CABP1: variants seen among roughly 807,000 people sequenced by gnomAD.
CABP1 encodes calcium binding protein 1.
A neutral mutation model predicts 34.3 loss-of-function variants in CABP1; 17 were observed. That is an observed-to-expected ratio of 0.50 (90% CI 0.34 to 0.74). CABP1 has a LOEUF of 0.74. CABP1 is among the 30% of genes least tolerant of loss of function. The pLI is 0.01. For missense variants in CABP1, 373 were observed against 511.1 expected (o/e 0.73, Z 2.61); for synonymous variants, 198 against 229.2 (o/e 0.86, Z 1.23).
intron 1 of CABP1, among the ~76,000 whole-genome samples, chr12:120,643,318 C>T (rs568364737): frequency 6.6e-6 from 1 of 152,344 alleles, no homozygotes; most frequent in Non-Finnish European, 1.5e-5. Flanking sequence ...GCAACAACAG[C>T]AAACCCAGGC....
In CABP1 at chr12:120,666,937, A is replaced by C. The variant is rs779412918; in HGVS notation, c.*37A>C. The C allele has an allele frequency of 1.6e-5, 26 of 1,589,518 alleles. 1 individual carries two copies. The African/African-American group carries it at 2.3e-4, about 14-fold the overall frequency. ...CCCCTCCAGGACTGCCAAGCTCCCA[A>C]AGGCGGGGCTAAGAGGAGCTAGAGC... On this transcript the variant is annotated 3_prime_UTR_variant, in exon 6 of 6. Transcript: ENST00000316803.
the CABP1 span, among the ~76,000 whole-genome samples, chr12:120,676,208 A>T: frequency 6.6e-6 from 1 of 152,212 alleles, no homozygotes; most frequent in Non-Finnish European, 1.5e-5. Flanking sequence ...TTAGTTCCCC[A>T]GACATACCAG....
chr12:120,665,582 C>T (rs978778777), intron 5 of CABP1, among the ~76,000 whole-genome samples: 1 of 152,008 alleles, frequency 6.6e-6, no homozygotes, highest in Non-Finnish European at 1.5e-5. Flanking sequence ...GTGTCGGTGT[C>T]GGTTTCTCAC....
intron 1 of CABP1, among the ~76,000 whole-genome samples, chr12:120,645,456 A>C (rs1879502991): frequency 6.6e-6 from 1 of 152,144 alleles, no homozygotes; most frequent in South Asian, 2.1e-4. Context: ...CAGTGGACAA[A>C]GTGTCTTCTT....
chr12:120,650,665 A>C, intron 1 of CABP1: 3 of 1,614,108 alleles, frequency 1.9e-6, no homozygotes, highest in Non-Finnish European at 2.5e-6. Flanking sequence ...GTATCCACTG[A>C]GAAATCTCTC....
Position 120,641,108 on chromosome 12 carries a change from GC to G in CABP1, c.424del (p.His142ThrfsTer134), listed in dbSNP as rs1218815520. 1 of 1,219,492 alleles carries G rather than the reference GC, an allele frequency of 8.2e-7. No individual in the cohort carries two copies. The highest frequency in any genetic ancestry group is 1.0e-6 in the Non-Finnish European group (1 of 981,512). 75.5% of individuals were successfully genotyped at this position (1,219,492 alleles called of 1,614,324 possible). ...GGAGCCAGCGTGTGCTCCCCCAGGC[GC>G]ACTGCAGGCCCCGGGAGGCGCTGCC... ...RGSQRVLPQAHCRPREALPAA... is the reference protein window; with the variant it reads ...RGSQRVLPQAXCRPREALPAA... On this transcript the variant is annotated frameshift_variant, in exon 1 of 6. Coordinates refer to ENST00000316803, the MANE Select transcript of CABP1 (RefSeq NM_001033677.2). LOFTEE classifies it high-confidence loss of function. This position sits in a 1 kb window ranked among gnomAD's most constrained non-coding sequence, Gnocchi z 6.7.
chr12:120,673,351 G>A, the CABP1 span, among the ~76,000 whole-genome samples: 3 of 152,142 alleles, frequency 2.0e-5, no homozygotes, highest in African/African-American at 2.4e-5. Context: ...TTGGGAGGCT[G>A]AGGTGGGAAG....
Position 120,641,478 on chromosome 12 carries a change from C to G in CABP1, c.654+139C>G, listed in dbSNP as rs926071434. The G allele has an allele frequency of 3.1e-6, 3 of 975,696 alleles. No homozygotes were observed. The highest frequency in any genetic ancestry group is 4.3e-5 in the Admixed American group (1 of 23,290). 60.4% of individuals were successfully genotyped at this position (975,696 alleles called of 1,614,324 possible). A position where few individuals can be genotyped will look rare whatever the true frequency, so the allele number is the denominator to read the frequency against. On this transcript the variant is annotated intron_variant, in intron 1 of 5. Transcript: ENST00000316803. This position sits in a 1 kb window ranked among gnomAD's most constrained non-coding sequence, Gnocchi z 6.7. Reference sequence around the variant, plus strand: ...CTCGGCTCACCTCGTCCTCCCCGGGCCGGCGCCCTTGCCGGCACTCCTCCT... The same window carrying G: ...CTCGGCTCACCTCGTCCTCCCCGGGGCGGCGCCCTTGCCGGCACTCCTCCT...
chr12:120,640,635 C>T lies in CABP1; in HGVS notation c.-51C>T. 1.8e-6 allele frequency: 2 copies of T among 1,136,424 alleles called. No homozygotes were observed. The highest frequency in any genetic ancestry group is 2.2e-6 in the Non-Finnish European group (2 of 926,794). 70.4% of individuals were successfully genotyped at this position (1,136,424 alleles called of 1,614,324 possible). On this transcript the variant is annotated 5_prime_UTR_variant, in exon 1 of 6. Coordinates refer to ENST00000316803, the MANE Select transcript of CABP1 (RefSeq NM_001033677.2). This position sits in a 1 kb window ranked among gnomAD's most constrained non-coding sequence, Gnocchi z 6.2. Reference sequence around the variant, plus strand: ...AGCCGGCAGCGCCCCCAGATCTGCACCGCCAGCCGCCGGGAGCTCCGGGCT... The same window carrying T: ...AGCCGGCAGCGCCCCCAGATCTGCATCGCCAGCCGCCGGGAGCTCCGGGCT...
At chr12:120,663,048 T>C (rs1185504300) in intron 5 of CABP1, among the ~76,000 whole-genome samples, 2 of 152,184 alleles carry the variant, frequency 1.3e-5, no homozygotes, top group Non-Finnish European at 2.9e-5. Flanking sequence ...GACTCGACAG[T>C]GGGACTCCTT....
downstream of CABP1, among the ~76,000 whole-genome samples, chr12:120,667,548 G>T (rs910603086): frequency 6.6e-6 from 1 of 152,182 alleles, no homozygotes; most frequent in Non-Finnish European, 1.5e-5. Context: ...GAGTGCAGTG[G>T]CGTGATCTCA....
chr12:120,656,440 G>A (rs1366708923), intron 1 of CABP1, among the ~76,000 whole-genome samples: 1 of 130,638 alleles, frequency 7.7e-6, no homozygotes, highest in Non-Finnish European at 1.7e-5. Context: ...ATATCCACGA[G>A]CAAAATAATG....
intron 5 of CABP1, among the ~76,000 whole-genome samples, chr12:120,666,518 T>C (rs1050653456): frequency 1.4e-5 from 2 of 139,640 alleles, no homozygotes; most frequent in East Asian, 2.1e-4. Context: ...AGAGAGAGAG[T>C]GCGCCAGCTG....
Position 120,641,656 on chromosome 12 carries a change from G to C in CABP1, c.654+317G>C, listed in dbSNP as rs115265690. The C allele has an allele frequency of 5.5e-3, 1,437 of 261,892 alleles. 19 individuals are homozygous for C. The highest frequency in any genetic ancestry group is 0.029 in the African/African-American group (1,320 of 45,340). 16.2% of individuals were successfully genotyped at this position (261,892 alleles called of 1,614,324 possible). On this transcript the variant is annotated intron_variant, in intron 1 of 5. Transcript: ENST00000316803. This position sits in a 1 kb window ranked among gnomAD's most constrained non-coding sequence, Gnocchi z 6.7. ...CGTCCTGGAGATTTGCGGGGGTCAA[G>C]GAGGGGCGCTCCGAGCAGGTGGCGC...
Position 120,641,169 on chromosome 12 carries a change from C to T in CABP1, c.484C>T (p.Leu162=). 2 of 1,238,776 alleles carry T rather than the reference C, an allele frequency of 1.6e-6. No individual in the cohort carries two copies. The highest frequency in any genetic ancestry group is 1.0e-6 in the Non-Finnish European group (1 of 993,728). The allele number at this position is 1,238,776 out of a possible 1,614,324, so 76.7% of individuals were successfully genotyped here. The part of the protein sequence containing the change: ...AASRPSPSSP[L]PPARGRDGEE... Reference sequence around the variant, plus strand: ...GTCCCGACCTTCGCCGTCGTCGCCGCTGCCGCCGGCCCGCGGGCGGGATGG... The same window carrying T: ...GTCCCGACCTTCGCCGTCGTCGCCGTTGCCGCCGGCCCGCGGGCGGGATGG... Residue 162 remains leucine (L), a synonymous_variant, in exon 1 of 6, where the codon CTG becomes TTG. Transcript: ENST00000316803. The surrounding 1 kb of genome is among the most constrained non-coding windows in gnomAD (Gnocchi z 6.7).
intron 1 of CABP1, among the ~76,000 whole-genome samples, chr12:120,649,322 G>A (rs1419141335): frequency 6.6e-6 from 1 of 152,206 alleles, no homozygotes; most frequent in African/African-American, 2.4e-5. Context: ...CTGAGCTAGC[G>A]TGCAAGAATG....
chr12:120,667,106 C>G lies in CABP1; in HGVS notation c.*206C>G, dbSNP rs1052153749. On this transcript the variant is annotated 3_prime_UTR_variant, in exon 6 of 6. Coordinates refer to ENST00000316803, the MANE Select transcript of CABP1 (RefSeq NM_001033677.2). ...CCTGCAACTGGAAAGCGGGGGCGCCCGCCGACGAGGAGGCCACCGTGCCAA... is the reference window on the plus strand; with the variant it reads ...CCTGCAACTGGAAAGCGGGGGCGCCGGCCGACGAGGAGGCCACCGTGCCAA... 1.6e-5 allele frequency: 10 copies of G among 621,304 alleles called. No individual in the cohort carries two copies. In the African/African-American group the frequency reaches 1.8e-4, roughly 11 times the overall value. 38.5% of individuals were successfully genotyped at this position (621,304 alleles called of 1,614,324 possible).
At chr12:120,667,736 C>T (rs993810226), downstream of CABP1, among the ~76,000 whole-genome samples, 1 of 152,074 alleles carries the variant, frequency 6.6e-6, no homozygotes, top group East Asian at 1.9e-4. Flanking sequence ...GATCTGCCTG[C>T]CTTGGCCTCC....
At chr12:120,654,870 G>A (rs1880076666) in intron 1 of CABP1, among the ~76,000 whole-genome samples, 1 of 152,204 alleles carries the variant, frequency 6.6e-6, no homozygotes, top group Admixed American at 6.5e-5. Context: ...GGCTGGTCAG[G>A]GCCTGGGAGC....
Sources: allele counts gnomAD v4.1 joint callset (sites outside exome capture counted in the v4.1 genomes callset), GRCh38; gene constraint gnomAD v4.1.1; non-coding constraint Gnocchi (gnomAD v3.1); transcripts MANE v1.5; gene names NCBI Gene and HGNC (gene_info 2026-07-23, HGNC 2026-07-21).